The following IQCK variants were observed in gnomAD, a reference collection of about 807,000 sequenced individuals.
The protein encoded by IQCK is IQ domain-containing protein K.
Under a neutral mutation model 28.1 loss-of-function variants are expected in IQCK, and 29 were observed. The observed-to-expected ratio is 1.03, with a 90% CI of 0.77 to 1.41. The LOEUF (loss-of-function observed/expected upper bound fraction) is 1.41, where lower values mean the gene tolerates loss of function less well. Among genes scored for constraint, IQCK ranks in the 40% most tolerant of loss-of-function variants. The pLI is 0.00. For synonymous variants in IQCK, 113 were observed against 115.1 expected, an observed-to-expected ratio of 0.98 and a Z score of 0.12; for missense variants, 359 against 314.7, an observed-to-expected ratio of 1.14 and a Z score of -1.07.
At chr16:19,855,649 G>A (rs2056550500) in intron 9 of IQCK, among the ~76,000 whole-genome samples, 1 of 152,168 alleles carries the variant, frequency 6.6e-6, no homozygotes, top group South Asian at 2.1e-4. Flanking sequence ...TCTGGCTGGT[G>A]CATGCCCTTA....
chr16:19,834,256 C>G (rs370100088), intron 9 of IQCK, among the ~76,000 whole-genome samples: 3 of 152,158 alleles, frequency 2.0e-5, no homozygotes, highest in Non-Finnish European at 4.4e-5. Context: ...TATGTTTCCA[C>G]GTAGTCCTCA....
At chr16:19,844,308 A>C (rs1358015531) in intron 9 of IQCK, among the ~76,000 whole-genome samples, 12 of 152,088 alleles carry the variant, frequency 7.9e-5, no homozygotes, top group Non-Finnish European at 2.9e-5. Context: ...TGAACTCCTG[A>C]CCTCAGGTGA....
intron 6 of IQCK, among the ~76,000 whole-genome samples, chr16:19,779,549 C>T (rs959365267): frequency 3.9e-5 from 6 of 152,108 alleles, no homozygotes; most frequent in South Asian, 2.1e-4. Flanking sequence ...ATTACATTGA[C>T]TCCATCTGCC....
intron 9 of IQCK, among the ~76,000 whole-genome samples, chr16:19,840,110 C>T (rs2056347985): frequency 6.6e-6 from 1 of 151,874 alleles, no homozygotes; most frequent in Non-Finnish European, 1.5e-5. Context: ...AATCTCAGGA[C>T]TTTGGGAGGC....
At chr16:19,857,765 A>G in exon 10 of IQCK, 1 of 150,848 alleles carries the variant, frequency 6.6e-6, no homozygotes, top group South Asian at 2.0e-4. Context: ...AAAAAAAAAA[A>G]GCACTGGGCG....
rs575391192 is a variant in IQCK at position 19,820,398 on chromosome 16, C to G, written c.691-6628C>G. Among the ~76,000 whole-genome samples, 4 of 152,186 alleles carry G rather than the reference C, an allele frequency of 2.6e-5. 1 individual carries two copies. The South Asian group carries it at 8.3e-4, about 32-fold the overall frequency. On this transcript the variant is annotated intron_variant, in intron 7 of 7. Transcript: ENST00000564186. Reference sequence around the variant, plus strand: ...GGCTTGGTGGCTCACGCCTGTAATCCCAGCACTTTGGGAGGCCGAGGCGGG... The same window carrying G: ...GGCTTGGTGGCTCACGCCTGTAATCGCAGCACTTTGGGAGGCCGAGGCGGG...
At chr16:19,848,921 A>C (rs1274333031) in intron 9 of IQCK, among the ~76,000 whole-genome samples, 1 of 152,114 alleles carries the variant, frequency 6.6e-6, no homozygotes, top group African/African-American at 2.4e-5. Context: ...TATTTCTGTG[A>C]ATGGTCACCC....
intron 9 of IQCK, among the ~76,000 whole-genome samples, chr16:19,850,618 C>T (rs1036029949): frequency 6.6e-5 from 10 of 152,210 alleles, no homozygotes; most frequent in East Asian, 1.9e-4. Context: ...AAGTTCTCCC[C>T]GCAGTATGTG....
chr16:19,737,760 G>T (rs546297811), intron 4 of IQCK, among the ~76,000 whole-genome samples: 1 of 151,682 alleles, frequency 6.6e-6, no homozygotes, highest in East Asian at 1.9e-4. Context: ...CTTCCCGATG[G>T]TACCCTCCAC....
intron 6 of IQCK, chr16:19,765,968 C>T (rs1490989475): frequency 1.3e-5 from 2 of 152,022 alleles, no homozygotes; most frequent in Non-Finnish European, 2.9e-5. Context: ...TATACAAATA[C>T]CTTAATTTTA....
chr16:19,783,014 T>C (rs531774320), intron 6 of IQCK, among the ~76,000 whole-genome samples: 2 of 147,492 alleles, frequency 1.4e-5, no homozygotes, highest in South Asian at 4.2e-4. Context: ...TGTGTGTGTG[T>C]GTGAGACGGA....
Position 19,797,630 on chromosome 16 carries a change from CAAAA to C in IQCK, c.690+8712_690+8715del, listed in dbSNP as rs1192607152. 3.0e-4 allele frequency among the ~76,000 whole-genome samples: 39 copies of C among 128,254 alleles called. 2 individuals are homozygous for C. Among genetic ancestry groups the C allele is most frequent in the Admixed American group, 3.8e-4 (5 of 13,104 alleles). The allele number at this position is 128,254 out of a possible 152,430, so 84.1% of individuals were successfully genotyped here. ...AGGCCTTGCAAAAAAAAAAAAAAAA[CAAAA>C]AAACCAATAAAATAAAATAACGGAG... On this transcript the variant is annotated intron_variant, in intron 7 of 7. Coordinates refer to ENST00000564186, the Ensembl canonical transcript of IQCK.
intron 4 of IQCK, chr16:19,761,520 A>G (rs975035619): frequency 2.4e-6 from 1 of 423,656 alleles, no homozygotes; most frequent in Non-Finnish European, 4.7e-6. Flanking sequence ...TCCACATGGC[A>G]ACGAACACCT....
intron 9 of IQCK, among the ~76,000 whole-genome samples, chr16:19,853,264 C>A (rs1287247564): frequency 6.6e-6 from 1 of 152,126 alleles, no homozygotes; most frequent in Non-Finnish European, 1.5e-5. Context: ...CACTGGGAGG[C>A]TCCACGTCAC....
chr16:19,826,947 G>T, intron 7 of IQCK, 79 bp from the exon 8 acceptor site: 1 of 908,620 alleles, frequency 1.1e-6, no homozygotes, highest in Non-Finnish European at 1.8e-6. Context: ...GGTTTGTAAA[G>T]GATTTTCCAT....
chr16:19,781,099 T>C (rs2055477150), intron 6 of IQCK, among the ~76,000 whole-genome samples: 1 of 152,178 alleles, frequency 6.6e-6, no homozygotes, highest in Non-Finnish European at 1.5e-5. Context: ...GGGCCCACCC[T>C]TTAAATCCAG....
chr16:19,726,191 T>TGATTACAA (rs1330832142), intron 1 of IQCK, among the ~76,000 whole-genome samples: 1 of 152,034 alleles, frequency 6.6e-6, no homozygotes, highest in African/African-American at 2.4e-5. Context: ...TGGGATTACA[T>TGATTACAA]GCGTGAGCCA....
At chr16:19,774,661 G>T (rs567145895) in intron 6 of IQCK, among the ~76,000 whole-genome samples, 6 of 152,234 alleles carry the variant, frequency 3.9e-5, no homozygotes, top group African/African-American at 1.2e-4. Context: ...ACTGCGCCCA[G>T]CCAGCTAATA....
chr16:19,780,420 C>T (rs1488326503), intron 6 of IQCK, among the ~76,000 whole-genome samples: 1 of 152,146 alleles, frequency 6.6e-6, no homozygotes, highest in South Asian at 2.1e-4. Context: ...ATCCTCCCTC[C>T]TTGGCCTCTC....
Sources: gnomAD v4.1 joint callset for allele counts (sites outside exome capture counted in the v4.1 genomes callset) on GRCh38, gnomAD v4.1.1 for gene constraint, MANE v1.5 for transcripts, NCBI Gene and HGNC (gene_info 2026-07-23, HGNC 2026-07-21) for gene names.